The following TMEM50A variants were observed in gnomAD, a reference collection of about 807,000 sequenced individuals.
The protein encoded by TMEM50A is transmembrane protein 50A, also known as cervical cancer oncogene 9.
TMEM50A carries 8 observed loss-of-function variants against 23.9 expected under a neutral mutation model. The observed-to-expected ratio is 0.33, with a 90% CI of 0.20 to 0.60. TMEM50A has a LOEUF of 0.60. Among genes scored for constraint, TMEM50A ranks in the 20% least tolerant of loss-of-function variants. TMEM50A has a pLI of 0.81. For synonymous variants in TMEM50A, 55 were observed against 60.4 expected, an observed-to-expected ratio of 0.91 and a Z score of 0.41; for missense variants, 178 against 192.7, an observed-to-expected ratio of 0.92 and a Z score of 0.45.
chr1:25,348,409 G>A (rs980388863), intron 3 of TMEM50A, among the ~76,000 whole-genome samples: 2 of 152,016 alleles, frequency 1.3e-5, no homozygotes, highest in African/African-American at 2.4e-5. Flanking sequence ...AGGGTAGGCC[G>A]GGCACGGTGG....
intron 5 of TMEM50A, among the ~76,000 whole-genome samples, chr1:25,356,166 C>G (rs899566514): frequency 3.3e-5 from 5 of 152,170 alleles, no homozygotes; most frequent in African/African-American, 1.2e-4. Context: ...TATGTCATCT[C>G]AGATCACTTT....
chr1:25,357,634 G>GTGTGTGTGTGTGTGTT (rs1645349425), intron 6 of TMEM50A, among the ~76,000 whole-genome samples: 3 of 150,220 alleles, frequency 2.0e-5, no homozygotes, highest in African/African-American at 7.4e-5. Flanking sequence ...GTGTGTGTGT[G>GTGTGTGTGTGTGTGTT]TGTGTGTGTG....
chr1:25,360,529 C>A, intron 6 of TMEM50A, 131 bp from the exon 7 acceptor site: 1 of 902,328 alleles, frequency 1.1e-6, no homozygotes, highest in Non-Finnish European at 1.7e-6. Context: ...TGTTTTGATA[C>A]ATTTCGTACC....
intron 2 of TMEM50A, among the ~76,000 whole-genome samples, chr1:25,341,211 T>A (rs1462219483): frequency 6.6e-6 from 1 of 152,172 alleles, no homozygotes; most frequent in Non-Finnish European, 1.5e-5. Context: ...TATTTTTATT[T>A]TTTGAGATAG....
At chr1:25,355,146 T>A (rs575293374) in intron 5 of TMEM50A, among the ~76,000 whole-genome samples, 1 of 152,066 alleles carries the variant, frequency 6.6e-6, no homozygotes, top group Non-Finnish European at 1.5e-5. Context: ...CCATCTCTAC[T>A]AGAAATACAA....
intron 3 of TMEM50A, among the ~76,000 whole-genome samples, chr1:25,345,563 G>C (rs932507064): frequency 8.0e-4 from 122 of 151,864 alleles, no homozygotes; most frequent in African/African-American, 2.8e-3. Flanking sequence ...CTGGGCGACA[G>C]AGTGAGACTC....
chr1:25,345,175 T>C (rs1191461333), intron 3 of TMEM50A, among the ~76,000 whole-genome samples: 2 of 151,060 alleles, frequency 1.3e-5, no homozygotes, highest in Non-Finnish European at 2.9e-5. Flanking sequence ...CCGGGCATGG[T>C]GGCTCACGCC....
chr1:25,356,610 G>A (rs759932792), intron 5 of TMEM50A, among the ~76,000 whole-genome samples, 183 bp from the exon 6 acceptor site: 1 of 152,138 alleles, frequency 6.6e-6, no homozygotes, highest in Non-Finnish European at 1.5e-5. Flanking sequence ...AGTGAACTAA[G>A]GGAGCTATCA....
At chr1:25,358,377 A>C (rs1340571043) in intron 6 of TMEM50A, among the ~76,000 whole-genome samples, 1 of 152,200 alleles carries the variant, frequency 6.6e-6, no homozygotes, top group Non-Finnish European at 1.5e-5. Context: ...TCAGATTTTC[A>C]AAGAAGCCCC....
At chr1:25,339,428 T>G (rs1343804865) in intron 1 of TMEM50A, among the ~76,000 whole-genome samples, 2 of 152,158 alleles carry the variant, frequency 1.3e-5, no homozygotes, top group Non-Finnish European at 2.9e-5. Context: ...GGATCAGAGA[T>G]AGGGATATTA....
chr1:25,340,141 G>A (rs1010848785), intron 1 of TMEM50A, among the ~76,000 whole-genome samples: 1 of 151,944 alleles, frequency 6.6e-6, no homozygotes, highest in African/African-American at 2.4e-5. Context: ...TTGCCATGTT[G>A]GCCAGGCTGG....
intron 1 of TMEM50A, among the ~76,000 whole-genome samples, 175 bp from the exon 2 acceptor site, chr1:25,340,299 T>A (rs545969665): frequency 6.6e-6 from 1 of 152,346 alleles, no homozygotes; most frequent in East Asian, 1.9e-4. Flanking sequence ...TCCAAAGTTA[T>A]AATGTGGAAA....
rs1248761178 is a variant in TMEM50A at position 25,361,603 on chromosome 1, C to CTCT, written c.*901_*903dup. The CTCT allele has an allele frequency of 6.6e-6, 1 of 152,348 alleles. No homozygotes were observed. The highest frequency in any genetic ancestry group is 1.5e-5 in the Non-Finnish European group (1 of 68,176). 9.4% of individuals were successfully genotyped at this position (152,348 alleles called of 1,614,324 possible). A position where few individuals can be genotyped will look rare whatever the true frequency, so the allele number is the denominator to read the frequency against. On this transcript the variant is annotated 3_prime_UTR_variant, in exon 7 of 7. Coordinates refer to ENST00000374358, the MANE Select transcript of TMEM50A (RefSeq NM_014313.4). The stretch of plus-strand genomic sequence containing the variant: ...TACTGGGAACTCTTGTTGTCTCTTC[C>CTCT]TCTTCAGAACTCTTGTCCCCCCAGG...
At chr1:25,344,836 C>G (rs1645197648) in intron 3 of TMEM50A, among the ~76,000 whole-genome samples, 2 of 151,526 alleles carry the variant, frequency 1.3e-5, no homozygotes, top group Non-Finnish European at 2.9e-5. Context: ...AATGTAGTAG[C>G]CTTGTTCAGT....
In TMEM50A at chr1:25,338,347, G is replaced by T. The variant is rs552470513; in HGVS notation, c.-123G>T. On this transcript the variant is annotated 5_prime_UTR_variant, in exon 1 of 7. Coordinates refer to ENST00000374358, the MANE Select transcript of TMEM50A (RefSeq NM_014313.4). Reference sequence around the variant, plus strand: ...CGGGTGGATGGTACTGCTGCATCCGGGTGTCTGGAGGCTGTGGCCGTTTTG... The same window carrying T: ...CGGGTGGATGGTACTGCTGCATCCGTGTGTCTGGAGGCTGTGGCCGTTTTG... 6.6e-6 allele frequency: 1 copy of T among 152,660 alleles called. No homozygotes were observed. The highest frequency in any genetic ancestry group is 2.1e-4 in the South Asian group (1 of 4,846). The allele number at this position is 152,660 out of a possible 1,614,324, so 9.5% of individuals were successfully genotyped here.
chr1:25,356,838 C>G lies in TMEM50A; in HGVS notation c.413C>G (p.Ala138Gly), dbSNP rs1409808353. ...GGAATTGCTGTATTTTTCCAGAATG[C>G]CTTCATCTTTTTTGGGTAAGTTTGT... ...YPGIAVFFQN[A>G]FIFFGGLVFK... Residue 138 changes from alanine to glycine, a missense_variant, in exon 6 of 7, where the codon GCC (alanine) becomes GGC (glycine). Transcript: ENST00000374358. The G allele has an allele frequency of 1.9e-6, 3 of 1,586,870 alleles. No homozygotes were observed. Among genetic ancestry groups the G allele is most frequent in the Non-Finnish European group, 2.6e-6 (3 of 1,170,772 alleles).
intron 3 of TMEM50A, among the ~76,000 whole-genome samples, chr1:25,344,113 G>T (rs978827458): frequency 6.6e-6 from 1 of 152,160 alleles, no homozygotes; most frequent in Non-Finnish European, 1.5e-5. Context: ...GGGCATGCCT[G>T]TGGTCCCAGC....
In TMEM50A at chr1:25,362,207, C is replaced by A; in HGVS notation, c.*1502C>A. 1.9e-6 allele frequency: 1 copy of A among 524,096 alleles called. No individual in the cohort carries two copies. Among genetic ancestry groups the A allele is most frequent in the Non-Finnish European group, 3.4e-6 (1 of 296,230 alleles). 32.5% of individuals were successfully genotyped at this position (524,096 alleles called of 1,614,324 possible). A position where few individuals can be genotyped will look rare whatever the true frequency, so the allele number is the denominator to read the frequency against. On this transcript the variant is annotated 3_prime_UTR_variant, in exon 7 of 7. Transcript: ENST00000374358. ...ATGTAGACAAGAGTTAACTGAGTAG[C>A]ATGCTTTATTAAGCATGAGAAAGAA...
chr1:25,351,992 T>G (rs940723982), intron 4 of TMEM50A, among the ~76,000 whole-genome samples: 2 of 152,226 alleles, frequency 1.3e-5, no homozygotes, highest in Admixed American at 1.3e-4. Context: ...CAAATCTTCA[T>G]AAACATGTTA....
Sources: allele counts gnomAD v4.1 joint callset (sites outside exome capture counted in the v4.1 genomes callset), GRCh38; gene constraint gnomAD v4.1.1; transcripts MANE v1.5; gene names NCBI Gene and HGNC (gene_info 2026-07-23, HGNC 2026-07-21).